Variants in PARD3 observed in about 807,000 individuals in gnomAD.
The protein encoded by PARD3 is par-3 family cell polarity regulator, also known as partitioning defective 3 homolog.
In PARD3, 75 loss-of-function variants were observed where a neutral mutation model predicts 155.4. That is an observed-to-expected ratio of 0.48 (90% CI 0.40 to 0.58). The LOEUF is 0.58. Among genes scored for constraint, PARD3 ranks in the 20% least tolerant of loss-of-function variants. The pLI, the probability that PARD3 is intolerant of heterozygous loss-of-function variation, is 0.00. For synonymous variants in PARD3, 576 were observed against 610.5 expected (o/e 0.94, Z 0.83); for missense variants, 1,642 against 1,721.7 (o/e 0.95, Z 0.82).
intron 2 of PARD3, among the ~76,000 whole-genome samples, chr10:34,523,752 C>A (rs2082299596): frequency 1.3e-5 from 2 of 152,018 alleles, no homozygotes; most frequent in South Asian, 4.1e-4. Context: ...AAAAACTTAA[C>A]AATAAAACTA....
chr10:34,430,238 CAT>C (rs2075834246), intron 5 of PARD3, among the ~76,000 whole-genome samples: 1 of 152,188 alleles, frequency 6.6e-6, no homozygotes, highest in African/African-American at 2.4e-5. Flanking sequence ...ACATGAAAAA[CAT>C]AACCATCTAA....
Position 34,131,598 on chromosome 10 carries a change from A to T in PARD3, c.3420-15T>A. 1 of 1,612,834 alleles carries T rather than the reference A, an allele frequency of 6.2e-7. No homozygotes were observed. Among genetic ancestry groups the T allele is most frequent in the Non-Finnish European group, 8.5e-7 (1 of 1,178,940 alleles). On this transcript the variant is annotated splice_polypyrimidine_tract_variant and intron_variant, in intron 22 of 24. Transcript: ENST00000374788. The stretch of plus-strand genomic sequence containing the variant: ...TTGATCTGTTACTGAAAGAGAGATG[A>T]GGCAGCAGTGAATACCCTTCAGAAA...
intron 4 of PARD3, among the ~76,000 whole-genome samples, chr10:34,453,610 G>C (rs1338732546): frequency 1.3e-5 from 2 of 152,182 alleles, no homozygotes; most frequent in Non-Finnish European, 2.9e-5. Context: ...ATAAACTTTA[G>C]TAAAATGTAT....
At chr10:34,691,959 A>G (rs2094070199) in intron 2 of PARD3, among the ~76,000 whole-genome samples, 1 of 152,240 alleles carries the variant, frequency 6.6e-6, no homozygotes, top group Non-Finnish European at 1.5e-5. Flanking sequence ...AGGGCTGGGC[A>G]TGGTGGCCCA....
chr10:34,407,352 T>C (rs1191659602), intron 5 of PARD3, among the ~76,000 whole-genome samples: 4 of 151,800 alleles, frequency 2.6e-5, no homozygotes, highest in Non-Finnish European at 4.4e-5. Flanking sequence ...TCCAGAGGAG[T>C]GTGCACCCAG....
intron 22 of PARD3, among the ~76,000 whole-genome samples, chr10:34,194,037 T>A (rs1214755340): frequency 6.6e-6 from 1 of 152,168 alleles, no homozygotes; most frequent in Non-Finnish European, 1.5e-5. Context: ...ATTAAAATTT[T>A]ATCTCTCCGA....
chr10:34,152,081 GGAA>G (rs1203764941), intron 22 of PARD3, among the ~76,000 whole-genome samples: 2 of 152,116 alleles, frequency 1.3e-5, no homozygotes, highest in East Asian at 3.8e-4. Flanking sequence ...TTCTTGAAGA[GGAA>G]GAAGGATGTC....
intron 2 of PARD3, among the ~76,000 whole-genome samples, chr10:34,528,526 A>AGGTTT (rs1378173155): frequency 2.0e-5 from 3 of 151,640 alleles, no homozygotes; most frequent in Non-Finnish European, 4.4e-5. Context: ...CAGTAGTGAT[A>AGGTTT]GGTTTTGTTT....
intron 2 of PARD3, among the ~76,000 whole-genome samples, chr10:34,600,163 T>C (rs1442807532): frequency 1.4e-4 from 20 of 146,936 alleles, no homozygotes; most frequent in African/African-American, 4.9e-4. Context: ...GGTAAAACTC[T>C]GTCTCTATCA....
At position 34,377,884 on chromosome 10, in the gene PARD3, T is replaced by G. The variant is rs966919661; in HGVS notation, c.1539+83A>C. On this transcript the variant is annotated intron_variant, in intron 10 of 24. Transcript: ENST00000374788. ...AATGTATATAACTGAATTTCATATTTTATGAAAATGTTTTTAAAAGTTGGC... is the reference window on the plus strand; with the variant it reads ...AATGTATATAACTGAATTTCATATTGTATGAAAATGTTTTTAAAAGTTGGC... The G allele has an allele frequency of 3.3e-5, 37 of 1,106,752 alleles. No individual in the cohort carries two copies. In the Admixed American group the frequency reaches 1.1e-3, roughly 33 times the overall value. The allele number at this position is 1,106,752 out of a possible 1,614,324, so 68.6% of individuals were successfully genotyped here. A position where few individuals can be genotyped will look rare whatever the true frequency, so the allele number is the denominator to read the frequency against.
intron 10 of PARD3, among the ~76,000 whole-genome samples, chr10:34,376,264 G>A (rs1432033153): frequency 6.6e-6 from 1 of 152,142 alleles, no homozygotes; most frequent in Admixed American, 6.5e-5. Context: ...TAACTCGAAA[G>A]ACATGCAGGT....
At chr10:34,608,051 T>A (rs892743767) in intron 2 of PARD3, among the ~76,000 whole-genome samples, 10 of 151,840 alleles carry the variant, frequency 6.6e-5, no homozygotes, top group South Asian at 4.2e-4. Flanking sequence ...TGAGGAAGAG[T>A]CTTGTTTGTT....
chr10:34,655,263 GTA>G (rs1359134702), intron 2 of PARD3, among the ~76,000 whole-genome samples: 1 of 151,994 alleles, frequency 6.6e-6, no homozygotes, highest in Non-Finnish European at 1.5e-5. Context: ...CAACATAAAG[GTA>G]TATATGAGTT....
At chr10:34,538,085 T>C (rs1589928159) in intron 2 of PARD3, among the ~76,000 whole-genome samples, 1 of 152,174 alleles carries the variant, frequency 6.6e-6, no homozygotes, top group East Asian at 1.9e-4. Flanking sequence ...AGACTGTGAA[T>C]TGTTTAGCCG....
At chr10:34,298,685 C>T (rs1294421832) in intron 20 of PARD3, among the ~76,000 whole-genome samples, 1 of 152,146 alleles carries the variant, frequency 6.6e-6, no homozygotes, top group Admixed American at 6.5e-5. Flanking sequence ...TGCACAACAA[C>T]GTGAGCACAC....
At chr10:34,602,801 G>C (rs576139779) in intron 2 of PARD3, among the ~76,000 whole-genome samples, 2 of 152,274 alleles carry the variant, frequency 1.3e-5, no homozygotes, top group South Asian at 4.1e-4. Flanking sequence ...AGTTACATAG[G>C]TTCATAGACA....
At chr10:34,689,933 T>C (rs1278640955) in intron 2 of PARD3, among the ~76,000 whole-genome samples, 4 of 150,942 alleles carry the variant, frequency 2.7e-5, no homozygotes, top group Non-Finnish European at 5.9e-5. Flanking sequence ...GATTTTTACA[T>C]GTTATTTATT....
intron 2 of PARD3, among the ~76,000 whole-genome samples, chr10:34,582,243 T>C (rs1564377586): frequency 1.3e-5 from 2 of 152,216 alleles, no homozygotes; most frequent in Non-Finnish European, 2.9e-5. Context: ...TCTTAGACCC[T>C]TAAAGAAATG....
intron 2 of PARD3, among the ~76,000 whole-genome samples, chr10:34,643,752 C>T (rs993285894): frequency 1.3e-5 from 2 of 152,004 alleles, no homozygotes; most frequent in Admixed American, 6.5e-5. Flanking sequence ...TCCATCTCTA[C>T]CAAAAAATTA....
Sources: gnomAD v4.1 joint callset for allele counts (sites outside exome capture counted in the v4.1 genomes callset) on GRCh38, gnomAD v4.1.1 for gene constraint, MANE v1.5 for transcripts, NCBI Gene and HGNC (gene_info 2026-07-23, HGNC 2026-07-21) for gene names.